Variants in DYSF observed in about 807,000 individuals in gnomAD.
DYSF encodes the protein dysferlin.
In DYSF, 212 loss-of-function variants were observed where a neutral mutation model predicts 274.9. The ratio of observed to expected loss-of-function variants is 0.77; its 90% CI spans 0.69 to 0.86. The LOEUF is 0.86. Among genes scored for constraint, DYSF ranks in the 40% least tolerant of loss-of-function variants. The pLI, the probability that DYSF is intolerant of heterozygous loss-of-function variation, is 0.00. For synonymous variants in DYSF, 1,091 were observed against 1,078.7 expected, an observed-to-expected ratio of 1.01 and a Z score of -0.22; for missense variants, 2,666 against 2,783.2, an observed-to-expected ratio of 0.96 and a Z score of 0.95.
chr2:71,560,396 T>A (rs1236825642), intron 22 of DYSF, among the ~76,000 whole-genome samples: 2 of 42,898 alleles, frequency 4.7e-5, no homozygotes, highest in African/African-American at 2.6e-4. Context: ...TCAGGCCCAC[T>A]CAGGCCTGGT....
chr2:71,658,798 G>A (rs2094824875), intron 43 of DYSF, 80 bp from the exon 44 acceptor site: 1 of 1,570,880 alleles, frequency 6.4e-7, no homozygotes, highest in African/African-American at 1.4e-5. Flanking sequence ...TACAATTCAA[G>A]TTGAGATTTG....
rs746096221 is a variant in DYSF, at chr2:71,666,706, C to A, written c.5318-670C>A. 2.6e-5 allele frequency among the ~76,000 whole-genome samples: 4 copies of A among 152,228 alleles called. No homozygotes were observed. The East Asian group carries it at 5.8e-4, about 22-fold the overall frequency. On this transcript the variant is annotated intron_variant, in intron 47 of 55. Coordinates refer to ENST00000410020, the MANE Select transcript of DYSF (RefSeq NM_001130987.2). Reference sequence around the variant, plus strand: ...CCTGGGACGCACCTGGGGACAGGCACCTAGGTTCATGCCTAGTCACGCACC... The same window carrying A: ...CCTGGGACGCACCTGGGGACAGGCAACTAGGTTCATGCCTAGTCACGCACC...
intron 17 of DYSF, among the ~76,000 whole-genome samples, chr2:71,546,940 C>T (rs1037667890): frequency 1.3e-5 from 2 of 152,212 alleles, no homozygotes; most frequent in African/African-American, 4.8e-5. Flanking sequence ...ACTTGTGGCT[C>T]ACTGGGCTGG....
rs1249522140 is a variant in DYSF at position 71,611,600 on chromosome 2, G to C, written c.4195G>C (p.Asp1399His). The C allele has an allele frequency of 1.2e-6, 2 of 1,613,982 alleles. No homozygotes were observed. The highest frequency in any genetic ancestry group is 1.7e-5 in the Admixed American group (1 of 60,014). ...GAACCTCCGGAAGAACCCCAACTTT[G>C]ACATCTGCACCCTCTTCATGGAAGT... ...IRNLRKNPNF[D>H]ICTLFMEVML... Residue 1399 changes from aspartate (D) to histidine (H), a missense_variant, in exon 38 of 56, where the codon GAC (aspartate) becomes CAC (histidine). Physicochemically the swap from Asp to His is moderately conservative, Grantham distance 81. Coordinates refer to ENST00000410020, the MANE Select transcript of DYSF (RefSeq NM_001130987.2).
At chr2:71,454,128 T>G (rs1203284535) in intron 1 of DYSF, 1 of 1,585,904 alleles carries the variant, frequency 6.3e-7, no homozygotes, top group Non-Finnish European at 8.6e-7. Context: ...CGGGGTGGGG[T>G]AGAGGAGGGG....
intron 55 of DYSF, among the ~76,000 whole-genome samples, chr2:71,684,936 T>C (rs2095338386): frequency 6.6e-6 from 1 of 152,176 alleles, no homozygotes; most frequent in African/African-American, 2.4e-5. Context: ...CCCTGGCTGC[T>C]GTATATTAAG....
intron 19 of DYSF, 33 bp downstream of exon 19, chr2:71,551,753 G>T: frequency 1.9e-6 from 3 of 1,551,328 alleles, no homozygotes; most frequent in Non-Finnish European, 2.6e-6. Context: ...GGAGCTGGGC[G>T]TCGGGGCAGG....
upstream of DYSF, among the ~76,000 whole-genome samples, chr2:71,466,456 C>T (rs1479401764): frequency 6.6e-6 from 1 of 152,192 alleles, no homozygotes; most frequent in Non-Finnish European, 1.5e-5. Flanking sequence ...CCCCGCGGAG[C>T]AGGCCCCACG....
At chr2:71,571,206 A>AGC (rs1360378454) in intron 29 of DYSF, among the ~76,000 whole-genome samples, 6 of 125,518 alleles carry the variant, frequency 4.8e-5, no homozygotes, top group African/African-American at 1.9e-4. Context: ...GATCACACCC[A>AGC]ACACACCCAC....
intron 12 of DYSF, among the ~76,000 whole-genome samples, chr2:71,522,210 A>G (rs2087359988): frequency 6.7e-6 from 1 of 148,520 alleles, no homozygotes; most frequent in Non-Finnish European, 1.5e-5. Flanking sequence ...CCTCTCCACT[A>G]CTATTTTCTC....
intron 17 of DYSF, among the ~76,000 whole-genome samples, chr2:71,547,503 G>A (rs1479626490): frequency 1.3e-5 from 2 of 152,158 alleles, no homozygotes; most frequent in African/African-American, 4.8e-5. Context: ...CAAGAAATAG[G>A]TGGTGGTGGG....
Position 71,611,472 on chromosome 2 carries a change from C to T in DYSF, c.4067C>T (p.Ala1356Val), listed in dbSNP as rs1305232810. ...ALQRTAIEIL[A>V]WGLRNMKSYQ... ...CTCATTCTGTGTGCTTAGATCCTGG[C>T]ATGGGGCCTGCGGAACATGAAGAGT... Residue 1356 changes from alanine (A) to valine (V), a missense_variant, in exon 38 of 56, where the codon GCA becomes GTA. This residue lies in a region of DYSF where 1,460 missense variants were observed against 1,502.1 expected (regional missense o/e 0.97). Coordinates refer to ENST00000410020, the MANE Select transcript of DYSF (RefSeq NM_001130987.2). The T allele has an allele frequency of 6.2e-7, 1 of 1,614,042 alleles. No homozygotes were observed. The highest frequency in any genetic ancestry group is 8.5e-7 in the Non-Finnish European group (1 of 1,180,040).
chr2:71,669,519 T>C (rs1218641402), intron 50 of DYSF, 86 bp from the exon 51 acceptor site: 1 of 1,545,988 alleles, frequency 6.5e-7, no homozygotes, highest in East Asian at 2.2e-5. Flanking sequence ...TTTACCTTCT[T>C]AACTCCTTGT....
At chr2:71,572,232 T>TTCACAGATCACAACCA (rs1559194207) in intron 29 of DYSF, among the ~76,000 whole-genome samples, 1 of 129,370 alleles carries the variant, frequency 7.7e-6, no homozygotes, top group Non-Finnish European at 1.6e-5. Flanking sequence ...ACCCAGCACA[T>TTCACAGATCACAACCA]GCACAGATCA....
rs1324430830 is a variant in DYSF at position 71,602,779 on chromosome 2, C to T, written c.3931C>T (p.Gln1311Ter). The T allele has an allele frequency of 1.9e-6, 3 of 1,613,200 alleles. No homozygotes were observed. The highest frequency in any genetic ancestry group is 2.5e-6 in the Non-Finnish European group (3 of 1,179,870). ...AIHHIPGFEVQETSRILDESE... is the reference protein window; with the variant it reads ...AIHHIPGFEV ...ACATCCCATGGCTGTGGGCCAGGTGCAGGAGACATCAAGGATCCTGGATGA... is the reference window on the plus strand; with the variant it reads ...ACATCCCATGGCTGTGGGCCAGGTGTAGGAGACATCAAGGATCCTGGATGA... The change falls in exon 36 of 56, where the codon CAG becomes TAG. Residue 1311 changes from glutamine (Q) to a stop codon, truncating the protein, a stop_gained. Transcript: ENST00000410020. LOFTEE classifies it high-confidence loss of function.
intron 22 of DYSF, among the ~76,000 whole-genome samples, chr2:71,559,905 A>G (rs2091608940): frequency 6.6e-6 from 1 of 152,224 alleles, no homozygotes; most frequent in Non-Finnish European, 1.5e-5. Context: ...GAATGCCCCG[A>G]GGCCAGTTCA....
At chr2:71,474,478 G>C (rs143451301) in intron 1 of DYSF, among the ~76,000 whole-genome samples, 5 of 152,276 alleles carry the variant, frequency 3.3e-5, no homozygotes, top group African/African-American at 9.6e-5. Context: ...ATCTCTCAAG[G>C]CCTAAATTAA....
At chr2:71,525,921 G>A (rs759925348) in intron 12 of DYSF, among the ~76,000 whole-genome samples, 3 of 152,174 alleles carry the variant, frequency 2.0e-5, no homozygotes, top group African/African-American at 4.8e-5. Flanking sequence ...GGGGGAGAGC[G>A]GGAAGGAGAC....
chr2:71,482,094 C>A, intron 3 of DYSF, 124 bp downstream of exon 3: 4 of 752,002 alleles, frequency 5.3e-6, no homozygotes, highest in South Asian at 1.6e-5. Context: ...CCACCTCCTC[C>A]CATGGGACTG....
Sources: allele counts gnomAD v4.1 joint callset (sites outside exome capture counted in the v4.1 genomes callset), GRCh38; gene constraint gnomAD v4.1.1; regional missense constraint gnomAD v4.1.1; transcripts MANE v1.5; gene names NCBI Gene and HGNC (gene_info 2026-07-23, HGNC 2026-07-21).